The following PTPN13 variants were observed in gnomAD, a reference collection of about 807,000 sequenced individuals.
The protein encoded by PTPN13 is protein tyrosine phosphatase non-receptor type 13.
PTPN13 carries 191 observed loss-of-function variants against 284.0 expected under a neutral mutation model. The ratio of observed to expected loss-of-function variants is 0.67; its 90% CI spans 0.60 to 0.76. The LOEUF is 0.76. Among genes scored for constraint, PTPN13 ranks in the 30% least tolerant of loss-of-function variants. The probability of loss-of-function intolerance (pLI) is 0.00; values close to 1 mark genes in which losing one functional copy is unlikely to be tolerated. For synonymous variants in PTPN13, 986 were observed against 1,022.3 expected, an observed-to-expected ratio of 0.96 and a Z score of 0.68; for missense variants, 2,797 against 2,939.9, an observed-to-expected ratio of 0.95 and a Z score of 1.12.
intron 1 of PTPN13, among the ~76,000 whole-genome samples, chr4:86,605,711 T>G (rs1219009355): frequency 6.6e-6 from 1 of 151,834 alleles, no homozygotes; most frequent in Non-Finnish European, 1.5e-5. Flanking sequence ...TCTCTTGGCA[T>G]ATAAAATCTA....
At chr4:86,714,671 C>T (rs1732813714) in intron 7 of PTPN13, among the ~76,000 whole-genome samples, 1 of 152,098 alleles carries the variant, frequency 6.6e-6, no homozygotes, top group African/African-American at 2.4e-5. Flanking sequence ...TGGCCTCTGA[C>T]CTGTTCATGC....
At chr4:86,711,064 CA>C (rs1247090834) in intron 7 of PTPN13, among the ~76,000 whole-genome samples, 2 of 148,066 alleles carry the variant, frequency 1.4e-5, no homozygotes, top group Non-Finnish European at 3.0e-5. Context: ...TCTAGGACTA[CA>C]AGCATGTGCC....
chr4:86,741,741 G>A lies in PTPN13; in HGVS notation c.2412G>A (p.Val804=), dbSNP rs1236009081. ...GAGTCTGTTCTAAAGGTGTCCTTGT[G>A]TTTGAAGTTCACAATGGAGTGCGCA... ...LLGVCSKGVL[V]FEVHNGVRTL... The change falls in exon 16 of 48, where the codon GTG becomes GTA. Residue 804 remains valine, a synonymous_variant. Transcript: ENST00000411767. 1.9e-6 allele frequency: 3 copies of A among 1,613,342 alleles called. No individual in the cohort carries two copies. The highest frequency in any genetic ancestry group is 2.5e-6 in the Non-Finnish European group (3 of 1,179,586).
At chr4:86,764,560 A>T in intron 24 of PTPN13, 33 bp from the exon 25 acceptor site, 2 of 1,364,512 alleles carry the variant, frequency 1.5e-6, no homozygotes, top group Non-Finnish European at 1.9e-6. Context: ...TTTGACTCTA[A>T]CAAGAAATCT....
intron 3 of PTPN13, among the ~76,000 whole-genome samples, chr4:86,678,713 A>G (rs940267845): frequency 3.9e-5 from 6 of 152,168 alleles, no homozygotes; most frequent in Non-Finnish European, 1.5e-5. Flanking sequence ...GAAAAATCTA[A>G]GGTGTCATTC....
At chr4:86,778,690 A>G (rs1740924886) in intron 35 of PTPN13, among the ~76,000 whole-genome samples, 1 of 152,200 alleles carries the variant, frequency 6.6e-6, no homozygotes, top group Non-Finnish European at 1.5e-5. Context: ...TTTGGTGTAT[A>G]AGCCATCAAT....
In PTPN13 at chr4:86,639,653, G is replaced by A. The variant is rs189143175; in HGVS notation, c.115+4282G>A. Reference sequence around the variant, plus strand: ...ATGAGAACACATGGACACAGGAAGGGAAACATCACACTCTGGGGACTGTTG... The same window carrying A: ...ATGAGAACACATGGACACAGGAAGGAAAACATCACACTCTGGGGACTGTTG... On this transcript the variant is annotated intron_variant, in intron 2 of 47. Transcript: ENST00000411767. Among the ~76,000 whole-genome samples the A allele has an allele frequency of 1.8e-3, 258 of 142,016 alleles. 1 individual carries two copies. The highest frequency in any genetic ancestry group is 6.4e-3 in the African/African-American group (242 of 37,938). The allele number at this position is 142,016 out of a possible 152,430, so 93.2% of individuals were successfully genotyped here.
At chr4:86,619,893 G>T (rs1471979990) in intron 1 of PTPN13, among the ~76,000 whole-genome samples, 1 of 152,024 alleles carries the variant, frequency 6.6e-6, no homozygotes, top group African/African-American at 2.4e-5. Flanking sequence ...CAAGCTTGGA[G>T]TGTTGCTGCA....
intron 1 of PTPN13, among the ~76,000 whole-genome samples, chr4:86,612,057 G>T (rs1719956844): frequency 6.6e-6 from 1 of 152,172 alleles, no homozygotes; most frequent in Non-Finnish European, 1.5e-5. Flanking sequence ...GGAATAATTA[G>T]CCCTAGACTG....
At chr4:86,645,920 G>C (rs1471397899) in intron 2 of PTPN13, among the ~76,000 whole-genome samples, 1 of 152,064 alleles carries the variant, frequency 6.6e-6, no homozygotes, top group Admixed American at 6.6e-5. Flanking sequence ...CTCACTACCT[G>C]ATCTCAAGAT....
chr4:86,785,789 CT>C, intron 39 of PTPN13, 58 bp from the exon 40 acceptor site: 1 of 1,116,362 alleles, frequency 9.0e-7, no homozygotes, highest in South Asian at 1.8e-5. Context: ...CAAATGAAAA[CT>C]TTTCTACTTC....
chr4:86,699,778 A>G (rs1730961440), intron 6 of PTPN13, among the ~76,000 whole-genome samples: 1 of 152,190 alleles, frequency 6.6e-6, no homozygotes. Flanking sequence ...ATTGTGTTCT[A>G]TCAATTTTCA....
At chr4:86,814,322 A>G (rs1745566661) in intron 47 of PTPN13, 134 bp from the exon 48 acceptor site, 1 of 589,252 alleles carries the variant, frequency 1.7e-6, no homozygotes. Context: ...TGTTTCTTGC[A>G]TTCAACATTC....
chr4:86,724,062 A>G (rs1395735815), intron 10 of PTPN13, among the ~76,000 whole-genome samples: 1 of 152,164 alleles, frequency 6.6e-6, no homozygotes, highest in Non-Finnish European at 1.5e-5. Flanking sequence ...TCTATTCCTT[A>G]TGATGCTGTT....
At chr4:86,695,092 G>T (rs1205528717) in intron 6 of PTPN13, among the ~76,000 whole-genome samples, 1 of 152,076 alleles carries the variant, frequency 6.6e-6, no homozygotes, top group Admixed American at 6.5e-5. Context: ...GTTTCTAAGG[G>T]AGTGATTTTG....
chr4:86,791,626 G>A (rs932849328), intron 40 of PTPN13, among the ~76,000 whole-genome samples: 6 of 152,144 alleles, frequency 3.9e-5, no homozygotes, highest in African/African-American at 7.2e-5. Flanking sequence ...TCAAACAGGC[G>A]GGTGCCCCTC....
In PTPN13 at chr4:86,654,564, T is replaced by A. The variant is rs1354866483; in HGVS notation, c.116-17801T>A. On this transcript the variant is annotated intron_variant, in intron 2 of 47. Coordinates refer to ENST00000411767, the MANE Select transcript of PTPN13 (RefSeq NM_080683.3). ...ATGTAGTTGAGCGGTTTTGAGTGAG[T>A]TTCTTAATCCTGAGTTCTAGTTTGA... 5.3e-5 allele frequency among the ~76,000 whole-genome samples: 8 copies of A among 152,190 alleles called. 1 individual carries two copies. Among genetic ancestry groups the A allele is most frequent in the Admixed American group, 5.2e-4 (8 of 15,282 alleles).
chr4:86,711,255 C>T (rs1054803849), intron 7 of PTPN13, among the ~76,000 whole-genome samples: 1 of 151,910 alleles, frequency 6.6e-6, no homozygotes. Flanking sequence ...CTCGATCAAT[C>T]CACCTGCCTC....
intron 2 of PTPN13, among the ~76,000 whole-genome samples, chr4:86,667,141 T>C (rs1279324313): frequency 6.6e-6 from 1 of 152,214 alleles, no homozygotes; most frequent in East Asian, 1.9e-4. Context: ...TTCCAAATCT[T>C]CTAGGTGAGT....
Sources: allele counts gnomAD v4.1 joint callset (sites outside exome capture counted in the v4.1 genomes callset), GRCh38; gene constraint gnomAD v4.1.1; transcripts MANE v1.5; gene names NCBI Gene and HGNC (gene_info 2026-07-23, HGNC 2026-07-21).